The following IMMP2L variants were observed in gnomAD, a reference collection of about 807,000 sequenced individuals.
IMMP2L encodes the protein inner mitochondrial membrane peptidase subunit 2, also known as mitochondrial inner membrane protease subunit 2.
Under a neutral mutation model 19.3 loss-of-function variants are expected in IMMP2L, and 18 were observed. That is an observed-to-expected ratio of 0.93 (90% CI 0.64 to 1.38). IMMP2L has a LOEUF of 1.38. Ranked by LOEUF, IMMP2L falls within the 40% of genes most tolerant of loss-of-function variation. The pLI is 0.00. For missense variants in IMMP2L, 233 were observed against 218.2 expected (o/e 1.07, Z -0.43); for synonymous variants, 76 against 73.0 (o/e 1.04, Z -0.21).
intron 5 of IMMP2L, among the ~76,000 whole-genome samples, chr7:110,804,725 C>CT (rs769268594): frequency 4.6e-5 from 7 of 152,210 alleles, no homozygotes; most frequent in Non-Finnish European, 8.8e-5. Flanking sequence ...GACTTCCTCC[C>CT]AAACCCACTC....
chr7:111,437,434 G>A (rs541324702), intron 3 of IMMP2L, among the ~76,000 whole-genome samples: 3 of 151,834 alleles, frequency 2.0e-5, no homozygotes, highest in Admixed American at 6.5e-5. Context: ...CAACAAGAGC[G>A]AAACTACATC....
chr7:110,801,181 G>A (rs1364422430), intron 5 of IMMP2L, among the ~76,000 whole-genome samples: 2 of 151,992 alleles, frequency 1.3e-5, no homozygotes, highest in Non-Finnish European at 2.9e-5. Context: ...AGGTCTGACT[G>A]GAAAGCCAAA....
At chr7:111,551,200 T>C (rs1398434509) in intron 1 of IMMP2L, among the ~76,000 whole-genome samples, 1 of 152,172 alleles carries the variant, frequency 6.6e-6, no homozygotes, top group Non-Finnish European at 1.5e-5. Context: ...AAATGCTACA[T>C]TTTTCAAAGG....
At chr7:111,373,174 G>C (rs567478409) in intron 3 of IMMP2L, among the ~76,000 whole-genome samples, 2 of 150,670 alleles carry the variant, frequency 1.3e-5, no homozygotes, top group Non-Finnish European at 2.9e-5. Flanking sequence ...CAGGGTAGTT[G>C]TTAAATGAGT....
rs77798661 is a variant in IMMP2L at position 111,199,435 on chromosome 7, A to G, written c.240-235870T>C. Among the ~76,000 whole-genome samples, 763 of 152,260 alleles carry G rather than the reference A, an allele frequency of 5.0e-3. 11 individuals are homozygous for G. The highest frequency in any genetic ancestry group is 0.016 in the African/African-American group (663 of 41,552). On this transcript the variant is annotated intron_variant, in intron 3 of 5. Transcript: ENST00000405709. ...AAATAGCATCAAATATGAAATATGT[A>G]AAAGTTGAAAACACTAAAAGAAGCC...
chr7:111,023,858 G>T (rs1176681272), intron 3 of IMMP2L, among the ~76,000 whole-genome samples: 1 of 152,188 alleles, frequency 6.6e-6, no homozygotes, highest in African/African-American at 2.4e-5. Context: ...TGGATGAGGA[G>T]TCCATGACTC....
chr7:111,331,823 TA>T (rs1442658217), intron 3 of IMMP2L, among the ~76,000 whole-genome samples: 1 of 151,854 alleles, frequency 6.6e-6, no homozygotes, highest in African/African-American at 2.4e-5. Flanking sequence ...ATCCAAGCTA[TA>T]AAAAAAGTTT....
chr7:111,329,094 A>G (rs1486886794), intron 3 of IMMP2L, among the ~76,000 whole-genome samples: 1 of 151,912 alleles, frequency 6.6e-6, no homozygotes, highest in Non-Finnish European at 1.5e-5. Flanking sequence ...ATGTACAATC[A>G]TGTTATTCAG....
At chr7:110,687,252 G>A (rs1034192867) in intron 5 of IMMP2L, among the ~76,000 whole-genome samples, 19 of 151,938 alleles carry the variant, frequency 1.3e-4, no homozygotes, top group Admixed American at 3.3e-4. Flanking sequence ...AACATTGTCC[G>A]TAAAGCTTTT....
At chr7:110,815,802 C>CATG (rs1454915475) in intron 5 of IMMP2L, among the ~76,000 whole-genome samples, 1 of 152,010 alleles carries the variant, frequency 6.6e-6, no homozygotes, top group African/African-American at 2.4e-5. Context: ...TCTGTGGGAT[C>CATG]GGTGGTGATA....
intron 3 of IMMP2L, among the ~76,000 whole-genome samples, chr7:111,075,572 G>C (rs1795329819): frequency 6.6e-6 from 1 of 152,164 alleles, no homozygotes; most frequent in South Asian, 2.1e-4. Flanking sequence ...TCTTGAGAAT[G>C]TTTTTTCTCT....
At chr7:111,532,664 T>C (rs1847508834) in intron 1 of IMMP2L, 2 of 152,072 alleles carry the variant, frequency 1.3e-5, no homozygotes, top group African/African-American at 4.8e-5. Context: ...CCAGCAAACT[T>C]ATAGCTAGCC....
intron 3 of IMMP2L, among the ~76,000 whole-genome samples, chr7:111,026,241 TCTA>T: frequency 6.6e-6 from 1 of 152,286 alleles, no homozygotes; most frequent in East Asian, 1.9e-4. Flanking sequence ...TTACTTTCAT[TCTA>T]CTACCTGAAG....
chr7:111,183,877 T>C (rs914919407), intron 3 of IMMP2L, among the ~76,000 whole-genome samples: 1 of 152,090 alleles, frequency 6.6e-6, no homozygotes, highest in Non-Finnish European at 1.5e-5. Context: ...ATTTAACTGA[T>C]AACGGCTTTT....
intron 3 of IMMP2L, among the ~76,000 whole-genome samples, chr7:111,078,707 G>GT (rs1411045041): frequency 6.6e-6 from 1 of 151,786 alleles, no homozygotes; most frequent in Non-Finnish European, 1.5e-5. Flanking sequence ...CAATAAAGCT[G>GT]TGGTATTTTT....
chr7:111,239,972 G>A (rs2129628916), intron 3 of IMMP2L, among the ~76,000 whole-genome samples: 1 of 151,898 alleles, frequency 6.6e-6, no homozygotes, highest in South Asian at 2.1e-4. Context: ...TTGTCCCTAA[G>A]GAATAAGGTA....
intron 4 of IMMP2L, among the ~76,000 whole-genome samples, chr7:110,926,679 G>T (rs981885640): frequency 6.6e-6 from 1 of 151,994 alleles, no homozygotes; most frequent in African/African-American, 2.4e-5. Context: ...TGGAATAAAG[G>T]CTTTTGCAAC....
chr7:110,979,163 T>C (rs1820994617), intron 3 of IMMP2L, among the ~76,000 whole-genome samples: 1 of 152,170 alleles, frequency 6.6e-6, no homozygotes, highest in African/African-American at 2.4e-5. Flanking sequence ...CTGGAGTATA[T>C]GTACAACATG....
At chr7:111,290,592 T>A (rs190757580) in intron 3 of IMMP2L, among the ~76,000 whole-genome samples, 1 of 151,968 alleles carries the variant, frequency 6.6e-6, no homozygotes. Context: ...TGTGCCAAGC[T>A]GCCAGTTCCT....
Sources: gnomAD v4.1 joint callset for allele counts (sites outside exome capture counted in the v4.1 genomes callset) on GRCh38, gnomAD v4.1.1 for gene constraint, MANE v1.5 for transcripts, NCBI Gene and HGNC (gene_info 2026-07-23, HGNC 2026-07-21) for gene names.